Variants in IL7R observed in about 807,000 individuals in gnomAD.
The protein encoded by IL7R is interleukin 7 receptor.
IL7R carries 38 observed loss-of-function variants against 47.0 expected under a neutral mutation model. That is an observed-to-expected ratio of 0.81 (90% confidence interval 0.62 to 1.06). The LOEUF is 1.06. Among genes scored for constraint, IL7R ranks in the 50% least tolerant of loss-of-function variants. The pLI, the probability that IL7R is intolerant of heterozygous loss-of-function variation, is 0.00. For synonymous variants in IL7R, 221 were observed against 199.8 expected, an observed-to-expected ratio of 1.11 and a Z score of -0.89; for missense variants, 633 against 534.8, an observed-to-expected ratio of 1.18 and a Z score of -1.81.
At chr5:35,863,177 A>G (rs1279528769) in intron 2 of IL7R, among the ~76,000 whole-genome samples, 1 of 152,168 alleles carries the variant, frequency 6.6e-6, no homozygotes, top group Non-Finnish European at 1.5e-5. Flanking sequence ...TAACAAAAGT[A>G]ACGATTTGGG....
In IL7R at chr5:35,876,719, G is replaced by C. The variant is rs144757435; in HGVS notation, c.*233G>C. ...ATGTGGATTTGGTCACAAGGTTTAA[G>C]GTGACCCAATGATTCAGCTATTTAA... On this transcript the variant is annotated 3_prime_UTR_variant, in exon 8 of 8. Transcript: ENST00000303115. 3.1e-4 allele frequency: 173 copies of C among 555,668 alleles called. No homozygotes were observed. Among genetic ancestry groups the C allele is most frequent in the African/African-American group, 3.1e-3 (164 of 53,024 alleles). 34.4% of individuals were successfully genotyped at this position (555,668 alleles called of 1,614,324 possible).
At position 35,878,667 on chromosome 5, in the gene IL7R, T is replaced by C. The variant is rs1165459665; in HGVS notation, c.*2181T>C. On this transcript the variant is annotated 3_prime_UTR_variant, in exon 8 of 8. Transcript: ENST00000303115. ...ACAAAATCTCATGCCAGGTCTCTGA[T>C]ACCTTATTCACAGAAGTTCTTTGAA... The C allele has an allele frequency of 4.3e-6, 1 of 232,734 alleles. No individual in the cohort carries two copies. The highest frequency in any genetic ancestry group is 6.1e-5 in the East Asian group (1 of 16,456). 14.4% of individuals were successfully genotyped at this position (232,734 alleles called of 1,614,324 possible).
chr5:35,867,183 AC>A, intron 2 of IL7R, 122 bp from the exon 3 acceptor site: 1 of 817,202 alleles, frequency 1.2e-6, no homozygotes, highest in Non-Finnish European at 2.1e-6. Context: ...GCCTCCACTC[AC>A]CCACCCACAT....
At chr5:35,873,873 G>A (rs747970085) in intron 5 of IL7R, among the ~76,000 whole-genome samples, 1 of 152,182 alleles carries the variant, frequency 6.6e-6, no homozygotes, top group Non-Finnish European at 1.5e-5. Context: ...ATTAGTACAA[G>A]CCATCTGTAT....
At chr5:35,871,263 A>AT (rs1289890102) in intron 4 of IL7R, 50 bp downstream of exon 4, 1 of 1,492,516 alleles carries the variant, frequency 6.7e-7, no homozygotes, top group Non-Finnish European at 9.3e-7. Context: ...AATGTTTTCT[A>AT]TTTTGTTGGC....
chr5:35,879,575 C>T lies in IL7R; in HGVS notation c.*3089C>T, dbSNP rs187963551. ...CGTACAATGTATGTAATAACCATCT[C>T]ATATTTAATTAAATGGTATAGAAGA... On this transcript the variant is annotated 3_prime_UTR_variant, in exon 8 of 8. Transcript: ENST00000303115. 354 of 220,184 alleles carry T rather than the reference C, an allele frequency of 1.6e-3. 3 individuals carry two copies. The highest frequency in any genetic ancestry group is 7.4e-3 in the African/African-American group (332 of 44,726). The allele number at this position is 220,184 out of a possible 1,614,324, so 13.6% of individuals were successfully genotyped here. A position where few individuals can be genotyped will look rare whatever the true frequency, so the allele number is the denominator to read the frequency against.
chr5:35,859,269 G>A (rs1215077485), intron 1 of IL7R, among the ~76,000 whole-genome samples: 1 of 152,104 alleles, frequency 6.6e-6, no homozygotes, highest in Non-Finnish European at 1.5e-5. Context: ...AGACAAAGCC[G>A]ACCCACAGGA....
rs112805866 is a variant in IL7R, at chr5:35,871,132, A to C, written c.456A>C (p.Thr152=). The C allele has an allele frequency of 2.3e-4, 371 of 1,611,812 alleles. 1 individual carries two copies. The African/African-American group carries it at 4.1e-3, about 18-fold the overall frequency. Residue 152 remains threonine (T), a synonymous_variant, in exon 4 of 8, where the codon ACA becomes ACC. Coordinates refer to ENST00000303115, the MANE Select transcript of IL7R (RefSeq NM_002185.5). ...GANDFVVTFN[T]SHLQKKYVKV... Reference sequence around the variant, plus strand: ...ATGACTTTGTGGTGACATTTAATACATCACACTTGCAAAAGAAGTATGTAA... The same window carrying C: ...ATGACTTTGTGGTGACATTTAATACCTCACACTTGCAAAAGAAGTATGTAA...
At position 35,875,542 on chromosome 5, in the gene IL7R, C is replaced by T. The variant is rs766895607; in HGVS notation, c.831C>T (p.Pro277=). 2.1e-5 allele frequency: 34 copies of T among 1,613,230 alleles called. No homozygotes were observed. Among genetic ancestry groups the T allele is most frequent in the Middle Eastern group, 1.6e-4 (1 of 6,082 alleles). ...AGCCTATCGTATGGCCCAGTCTCCCCGATCATAAGAAGACTCTGGAACATC... is the reference window on the plus strand; with the variant it reads ...AGCCTATCGTATGGCCCAGTCTCCCTGATCATAAGAAGACTCTGGAACATC... ...RIKPIVWPSL[P]DHKKTLEHLC... Residue 277 remains proline (P), a synonymous_variant, in exon 7 of 8, where the codon CCC becomes CCT. Coordinates refer to ENST00000303115, the MANE Select transcript of IL7R (RefSeq NM_002185.5).
chr5:35,868,261 T>G (rs546344862), intron 3 of IL7R, among the ~76,000 whole-genome samples: 35 of 152,294 alleles, frequency 2.3e-4, no homozygotes, highest in Non-Finnish European at 4.6e-4. Flanking sequence ...AACCATGTCT[T>G]AAAAATACTT....
At position 35,878,833 on chromosome 5, in the gene IL7R, T is replaced by C. The variant is rs1271542939; in HGVS notation, c.*2347T>C. On this transcript the variant is annotated 3_prime_UTR_variant, in exon 8 of 8. Transcript: ENST00000303115. The stretch of plus-strand genomic sequence containing the variant: ...ATAAATAGACAATCTCTTGAAGAAA[T>C]GAAGAGATGACCATAGAAAAACATC... 4.3e-6 allele frequency: 1 copy of C among 232,942 alleles called. No individual in the cohort carries two copies. Among genetic ancestry groups the C allele is most frequent in the Non-Finnish European group, 8.5e-6 (1 of 117,944 alleles). 14.4% of individuals were successfully genotyped at this position (232,942 alleles called of 1,614,324 possible).
chr5:35,866,587 T>C (rs1759946483), intron 2 of IL7R, among the ~76,000 whole-genome samples: 1 of 152,144 alleles, frequency 6.6e-6, no homozygotes, highest in Non-Finnish European at 1.5e-5. Flanking sequence ...TTGAGAGAAA[T>C]ATAACTGTTG....
intron 5 of IL7R, 55 bp from the exon 6 acceptor site, chr5:35,874,394 C>T: frequency 8.6e-7 from 1 of 1,156,686 alleles, no homozygotes; most frequent in East Asian, 2.3e-5. Context: ...CCCTGAGACC[C>T]TACCCCCACT....
Position 35,877,108 on chromosome 5 carries a change from A to G in IL7R, c.*622A>G. On this transcript the variant is annotated 3_prime_UTR_variant, in exon 8 of 8. Coordinates refer to ENST00000303115, the MANE Select transcript of IL7R (RefSeq NM_002185.5). ...CCATGTGCCTTTCTCTTCACTGAGGACTGCCCCATTCTTGAGTGCCAAACG... is the reference window on the plus strand; with the variant it reads ...CCATGTGCCTTTCTCTTCACTGAGGGCTGCCCCATTCTTGAGTGCCAAACG... The G allele has an allele frequency of 8.5e-6, 2 of 234,500 alleles. No homozygotes were observed. The highest frequency in any genetic ancestry group is 8.4e-6 in the Non-Finnish European group (1 of 118,960). The allele number at this position is 234,500 out of a possible 1,614,324, so 14.5% of individuals were successfully genotyped here. A position where few individuals can be genotyped will look rare whatever the true frequency, so the allele number is the denominator to read the frequency against.
chr5:35,877,956 G>A lies in IL7R; in HGVS notation c.*1470G>A, dbSNP rs993220463. The stretch of plus-strand genomic sequence containing the variant: ...CTAGAGAAGGGGTCATAGGTTCATG[G>A]TTTTGTTTGAGATTTGTTGCTACTG... On this transcript the variant is annotated 3_prime_UTR_variant, in exon 8 of 8. Coordinates refer to ENST00000303115, the MANE Select transcript of IL7R (RefSeq NM_002185.5). The A allele has an allele frequency of 3.4e-5, 8 of 233,146 alleles. No individual in the cohort carries two copies. The highest frequency in any genetic ancestry group is 1.3e-4 in the African/African-American group (6 of 45,328). The allele number at this position is 233,146 out of a possible 1,614,324, so 14.4% of individuals were successfully genotyped here.
Position 35,877,960 on chromosome 5 carries a change from T to G in IL7R, c.*1474T>G. ...AGAAGGGGTCATAGGTTCATGGTTTTGTTTGAGATTTGTTGCTACTGTTTT... is the reference window on the plus strand; with the variant it reads ...AGAAGGGGTCATAGGTTCATGGTTTGGTTTGAGATTTGTTGCTACTGTTTT... On this transcript the variant is annotated 3_prime_UTR_variant, in exon 8 of 8. Transcript: ENST00000303115. 8.6e-6 allele frequency: 2 copies of G among 233,348 alleles called. No individual in the cohort carries two copies. The highest frequency in any genetic ancestry group is 1.7e-5 in the Non-Finnish European group (2 of 118,084). The allele number at this position is 233,348 out of a possible 1,614,324, so 14.5% of individuals were successfully genotyped here. A position where few individuals can be genotyped will look rare whatever the true frequency, so the allele number is the denominator to read the frequency against.
chr5:35,858,017 A>C (rs1374987250), intron 1 of IL7R, among the ~76,000 whole-genome samples: 5 of 152,146 alleles, frequency 3.3e-5, no homozygotes, highest in Non-Finnish European at 7.4e-5. Flanking sequence ...AGAGTTTGAC[A>C]TTTTTTACAG....
chr5:35,874,580 G>A, intron 6 of IL7R, 38 bp downstream of exon 6: 4 of 1,398,766 alleles, frequency 2.9e-6, no homozygotes, highest in Non-Finnish European at 4.1e-6. Flanking sequence ...TGATTGTGTG[G>A]GATCACGGAC....
At chr5:35,865,043 G>A (rs1759905608) in intron 2 of IL7R, among the ~76,000 whole-genome samples, 1 of 152,058 alleles carries the variant, frequency 6.6e-6, no homozygotes, top group African/African-American at 2.4e-5. Context: ...CATGTGCCAT[G>A]TTGGTGTGCT....
Sources: allele counts gnomAD v4.1 joint callset (sites outside exome capture counted in the v4.1 genomes callset), GRCh38; gene constraint gnomAD v4.1.1; transcripts MANE v1.5; gene names NCBI Gene and HGNC (gene_info 2026-07-23, HGNC 2026-07-21).